The following DPYD variants were observed in gnomAD, a reference collection of about 807,000 sequenced individuals.
The protein encoded by DPYD is dihydropyrimidine dehydrogenase, also known as dihydropyrimidine dehydrogenase [NADP(+)].
DPYD carries 109 observed loss-of-function variants against 116.2 expected under a neutral mutation model. That is an observed-to-expected ratio of 0.94 (90% CI 0.80 to 1.10). The LOEUF is 1.10. DPYD is among the 50% of genes least tolerant of loss of function. The pLI is 0.00. For synonymous variants in DPYD, 440 were observed against 432.0 expected (o/e 1.02, Z -0.23); for missense variants, 1,302 against 1,254.5 (o/e 1.04, Z -0.57).
chr1:97,692,315 T>C (rs1007482472), intron 6 of DPYD, among the ~76,000 whole-genome samples: 2 of 152,096 alleles, frequency 1.3e-5, no homozygotes, highest in African/African-American at 4.8e-5. Context: ...ACAAAATCAG[T>C]TCCATGTGAT....
chr1:97,400,014 C>G (rs1391829434), intron 14 of DPYD, among the ~76,000 whole-genome samples: 1 of 152,138 alleles, frequency 6.6e-6, no homozygotes, highest in East Asian at 1.9e-4. Flanking sequence ...AGAGGGCATC[C>G]CTGTCTTGTG....
intron 1 of DPYD, among the ~76,000 whole-genome samples, chr1:97,908,255 G>A (rs769187253): frequency 1.1e-4 from 17 of 151,764 alleles, no homozygotes; most frequent in Non-Finnish European, 1.5e-5. Context: ...CCTATTGCCC[G>A]GGCTGGTCTT....
intron 16 of DPYD, among the ~76,000 whole-genome samples, chr1:97,349,312 A>T (rs2101308159): frequency 6.7e-6 from 1 of 149,412 alleles, no homozygotes; most frequent in African/African-American, 2.5e-5. Flanking sequence ...AGTAGCAATG[A>T]TTCTTTTTTT....
chr1:97,570,560 G>A (rs978834142), intron 11 of DPYD, among the ~76,000 whole-genome samples: 1 of 151,906 alleles, frequency 6.6e-6, no homozygotes, highest in Non-Finnish European at 1.5e-5. Flanking sequence ...TTATACCATA[G>A]TATAAGATAA....
At chr1:97,736,092 A>G (rs1489270415) in intron 4 of DPYD, among the ~76,000 whole-genome samples, 1 of 152,110 alleles carries the variant, frequency 6.6e-6, no homozygotes, top group Non-Finnish European at 1.5e-5. Flanking sequence ...AAAGAAAAAT[A>G]AGTAGGACAA....
At chr1:97,148,931 C>T (rs1020367207) in intron 20 of DPYD, among the ~76,000 whole-genome samples, 9 of 152,188 alleles carry the variant, frequency 5.9e-5, no homozygotes, top group African/African-American at 2.2e-4. Flanking sequence ...ACCTGCATCA[C>T]TCTAAGTTTA....
chr1:97,603,843 A>C (rs991701654), intron 8 of DPYD, among the ~76,000 whole-genome samples: 3 of 152,134 alleles, frequency 2.0e-5, no homozygotes, highest in African/African-American at 7.2e-5. Context: ...TTAACATATC[A>C]TGCATCTTGA....
At chr1:97,084,363 A>G (rs1039113128) in intron 21 of DPYD, among the ~76,000 whole-genome samples, 1 of 151,412 alleles carries the variant, frequency 6.6e-6, no homozygotes, top group Admixed American at 6.6e-5. Flanking sequence ...GAATGCCACT[A>G]CTTCATGAAG....
intron 11 of DPYD, among the ~76,000 whole-genome samples, chr1:97,559,954 A>G (rs925002934): frequency 2.0e-5 from 3 of 152,168 alleles, no homozygotes; most frequent in African/African-American, 7.2e-5. Flanking sequence ...GTATAACTCA[A>G]TTTTATAGTT....
At chr1:97,741,175 G>A (rs942005644) in intron 3 of DPYD, among the ~76,000 whole-genome samples, 4 of 152,172 alleles carry the variant, frequency 2.6e-5, no homozygotes, top group African/African-American at 7.2e-5. Flanking sequence ...GTCAGTGAGC[G>A]GGGTTGGAGG....
intron 1 of DPYD, among the ~76,000 whole-genome samples, chr1:97,914,631 T>C (rs890437549): frequency 1.3e-5 from 2 of 152,142 alleles, no homozygotes; most frequent in African/African-American, 4.8e-5. Context: ...GTAATAGATG[T>C]GAATAGTCAT....
rs1441600852 is a variant in DPYD, at chr1:97,296,426, TA to T, written c.2299+8832del. Among the ~76,000 whole-genome samples, 4 of 151,844 alleles carry T rather than the reference TA, an allele frequency of 2.6e-5. No individual in the cohort carries two copies. In the Middle Eastern group the frequency reaches 0.01, roughly 390 times the overall value. On this transcript the variant is annotated intron_variant, in intron 18 of 22. Transcript: ENST00000370192. ...AACAAGGATTTCCAATGTCTACACC[TA>T]AAAAAAAGAATAAAACTGATGATAA...
intron 3 of DPYD, among the ~76,000 whole-genome samples, chr1:97,766,101 C>A (rs922888306): frequency 1.1e-4 from 16 of 151,888 alleles, no homozygotes; most frequent in South Asian, 2.1e-4. Context: ...ATTAGCCATG[C>A]GTGGTGACAC....
intron 8 of DPYD, among the ~76,000 whole-genome samples, chr1:97,599,277 C>T (rs1464615446): frequency 6.6e-6 from 1 of 152,146 alleles, no homozygotes; most frequent in African/African-American, 2.4e-5. Flanking sequence ...GCCAAAGCAC[C>T]TCCCTCTGGA....
At chr1:97,795,006 C>T (rs1040375475) in intron 3 of DPYD, among the ~76,000 whole-genome samples, 5 of 151,896 alleles carry the variant, frequency 3.3e-5, no homozygotes, top group African/African-American at 1.2e-4. Flanking sequence ...TTGTAGATCA[C>T]ATTAGATTTT....
At chr1:97,301,621 C>T (rs548405910) in intron 18 of DPYD, among the ~76,000 whole-genome samples, 28 of 152,040 alleles carry the variant, frequency 1.8e-4, no homozygotes, top group African/African-American at 5.8e-4. Context: ...GGAACAACAA[C>T]GAAAACTTCA....
At position 97,254,086 on chromosome 1, in the gene DPYD, G is replaced by A. The variant is rs1245210582; in HGVS notation, c.2300-19092C>T. Among the ~76,000 whole-genome samples the A allele has an allele frequency of 2.6e-5, 4 of 152,010 alleles. No homozygotes were observed. In the East Asian group the frequency reaches 5.8e-4, roughly 22 times the overall value. On this transcript the variant is annotated intron_variant, in intron 18 of 22. Transcript: ENST00000370192. ...TCTAAATCTCACAGAATCTCCAGGA[G>A]CTATCACTTTTTATGCTAAAAATTG... is the stretch of plus-strand genomic sequence containing the variant.
At chr1:97,564,906 C>T (rs17116940) in intron 11 of DPYD, among the ~76,000 whole-genome samples, 1,673 of 152,202 alleles carry the variant, frequency 0.011, 39 homozygotes, top group African/African-American at 0.038. Context: ...CCTGATGTTG[C>T]CTTCCATGTA....
At chr1:97,221,584 G>A (rs963172175) in intron 19 of DPYD, among the ~76,000 whole-genome samples, 1 of 151,958 alleles carries the variant, frequency 6.6e-6, no homozygotes, top group Non-Finnish European at 1.5e-5. Context: ...TAAATTCCCA[G>A]TACAGTCCAG....
Sources: allele counts gnomAD v4.1 joint callset (sites outside exome capture counted in the v4.1 genomes callset), GRCh38; gene constraint gnomAD v4.1.1; transcripts MANE v1.5; gene names NCBI Gene and HGNC (gene_info 2026-07-23, HGNC 2026-07-21).